IMPG2: variants seen among roughly 807,000 people sequenced by gnomAD.
IMPG2 encodes interphotoreceptor matrix proteoglycan 2.
A neutral mutation model predicts 129.2 loss-of-function variants in IMPG2; 91 were observed. The observed-to-expected ratio is 0.70, with a 90% confidence interval of 0.59 to 0.84. The LOEUF is 0.84. IMPG2 is among the 40% of genes least tolerant of loss of function. IMPG2 has a pLI of 0.00. For synonymous variants in IMPG2, 510 were observed against 517.7 expected (o/e 0.99, Z 0.20); for missense variants, 1,430 against 1,461.7 (o/e 0.98, Z 0.35).
chr3:101,292,629 TCA>T (rs1707031248), intron 3 of IMPG2, among the ~76,000 whole-genome samples: 1 of 152,204 alleles, frequency 6.6e-6, no homozygotes, highest in African/African-American at 2.4e-5. Flanking sequence ...TGTGGCAATT[TCA>T]TAAAAATAAG....
intron 7 of IMPG2, among the ~76,000 whole-genome samples, chr3:101,273,246 AACAAT>A (rs2107250656): frequency 6.6e-6 from 1 of 152,350 alleles, no homozygotes; most frequent in South Asian, 2.1e-4. Context: ...CCTTAAGAAA[AACAAT>A]ACAGTGTGTG....
At chr3:101,271,460 G>A (rs983961563) in intron 7 of IMPG2, among the ~76,000 whole-genome samples, 4 of 152,254 alleles carry the variant, frequency 2.6e-5, no homozygotes, top group East Asian at 3.9e-4. Flanking sequence ...ATTTATTGAG[G>A]ACTGCAATAT....
chr3:101,278,862 G>C (rs1291318007), intron 4 of IMPG2, among the ~76,000 whole-genome samples: 1 of 152,148 alleles, frequency 6.6e-6, no homozygotes, highest in African/African-American at 2.4e-5. Context: ...AGAACCTAAA[G>C]GGATATGACA....
chr3:101,296,282 G>A (rs1290672009), intron 3 of IMPG2, among the ~76,000 whole-genome samples: 2 of 152,184 alleles, frequency 1.3e-5, no homozygotes, highest in Non-Finnish European at 2.9e-5. Flanking sequence ...AAGGGCCGTT[G>A]AATTTTGTCG....
In IMPG2 at chr3:101,253,216, A is replaced by G. The variant is rs1193682509; in HGVS notation, c.1239+480T>C. ...GGAGGCCTGATTTAGAATCCCTGTCATCTGTCAGCTAGTGGATGATATTCT... is the reference window on the plus strand; with the variant it reads ...GGAGGCCTGATTTAGAATCCCTGTCGTCTGTCAGCTAGTGGATGATATTCT... On this transcript the variant is annotated intron_variant, in intron 11 of 18. Coordinates refer to ENST00000193391, the MANE Select transcript of IMPG2 (RefSeq NM_016247.4). 3.3e-5 allele frequency among the ~76,000 whole-genome samples: 5 copies of G among 152,258 alleles called. No homozygotes were observed. In the Middle Eastern group the frequency reaches 0.01, roughly 311 times the overall value.
chr3:101,229,333 C>A, intron 17 of IMPG2, 47 bp downstream of exon 17: 1 of 1,348,914 alleles, frequency 7.4e-7, no homozygotes, highest in Non-Finnish European at 1.1e-6. Context: ...CCCCCACACA[C>A]ACACCAGCAG....
chr3:101,248,054 G>A (rs1303553301), intron 11 of IMPG2, among the ~76,000 whole-genome samples: 1 of 152,132 alleles, frequency 6.6e-6, no homozygotes, highest in Non-Finnish European at 1.5e-5. Flanking sequence ...TGGCTAACTA[G>A]AGTTTAGTCT....
intron 13 of IMPG2, among the ~76,000 whole-genome samples, chr3:101,243,296 T>A (rs1706430433): frequency 6.6e-6 from 1 of 152,192 alleles, no homozygotes; most frequent in Non-Finnish European, 1.5e-5. Flanking sequence ...TGGAAAACAA[T>A]CTTCCTTGTA....
chr3:101,289,407 G>GTACATAA (rs1445744278), intron 4 of IMPG2, among the ~76,000 whole-genome samples: 1 of 151,926 alleles, frequency 6.6e-6, no homozygotes, highest in African/African-American at 2.4e-5. Context: ...GATAGTAAAA[G>GTACATAA]TACATAATTC....
At chr3:101,276,040 AG>A (rs1305476617) in intron 5 of IMPG2, among the ~76,000 whole-genome samples, 4 of 152,182 alleles carry the variant, frequency 2.6e-5, no homozygotes, top group Non-Finnish European at 4.4e-5. Flanking sequence ...TATCTAGTAA[AG>A]GGGACACATA....
chr3:101,275,061 A>AT (rs1706826523), intron 6 of IMPG2, among the ~76,000 whole-genome samples: 1 of 149,412 alleles, frequency 6.7e-6, no homozygotes, highest in Admixed American at 6.6e-5. Context: ...TTAGCTCTAT[A>AT]TTAAAAAAAA....
intron 17 of IMPG2, 72 bp downstream of exon 17, chr3:101,229,308 C>CCCCCCCCCCCCTCCT: frequency 1.2e-6 from 1 of 840,604 alleles, no homozygotes; most frequent in Non-Finnish European, 2.0e-6. Context: ...ACACCCCCAC[C>CCCCCCCCCCCCTCCT]CACCACCCCC....
At chr3:101,259,996 T>G (rs150623618) in intron 9 of IMPG2, among the ~76,000 whole-genome samples, 48 of 152,262 alleles carry the variant, frequency 3.2e-4, no homozygotes, top group African/African-American at 1.1e-3. Context: ...ACAGGCATCC[T>G]AGAGAATTCA....
At chr3:101,254,084 T>C (rs1384048181) in intron 10 of IMPG2, among the ~76,000 whole-genome samples, 1 of 152,238 alleles carries the variant, frequency 6.6e-6, no homozygotes, top group South Asian at 2.1e-4. Flanking sequence ...AAGATTCCTA[T>C]GAAGCGCTTA....
At chr3:101,241,833 G>A (rs141116525) in intron 14 of IMPG2, among the ~76,000 whole-genome samples, 3,681 of 152,082 alleles carry the variant, frequency 0.024, 52 homozygotes, top group Non-Finnish European at 0.036. Flanking sequence ...TTCAAGACCA[G>A]CCTAGCCAAC....
intron 14 of IMPG2, among the ~76,000 whole-genome samples, chr3:101,238,860 T>C (rs1051172985): frequency 6.6e-6 from 1 of 152,174 alleles, no homozygotes; most frequent in Non-Finnish European, 1.5e-5. Context: ...ATCAAATTCA[T>C]GCATAACAAT....
intron 11 of IMPG2, among the ~76,000 whole-genome samples, chr3:101,250,133 G>C (rs1228030239): frequency 6.6e-6 from 1 of 152,164 alleles, no homozygotes; most frequent in Non-Finnish European, 1.5e-5. Context: ...ACTCTATTCA[G>C]TAGAGGTGGC....
At chr3:101,315,930 A>T (rs1366506674) in intron 2 of IMPG2, among the ~76,000 whole-genome samples, 1 of 151,522 alleles carries the variant, frequency 6.6e-6, no homozygotes, top group African/African-American at 2.4e-5. Flanking sequence ...TTGGCATAAA[A>T]ATAGACAAAT....
At chr3:101,228,608 C>T (rs1367248074) in intron 18 of IMPG2, among the ~76,000 whole-genome samples, 189 bp downstream of exon 18, 2 of 152,268 alleles carry the variant, frequency 1.3e-5, no homozygotes, top group South Asian at 2.1e-4. Flanking sequence ...ATTTACAAAG[C>T]CCTTATAAGG....
Sources: gnomAD v4.1 joint callset for allele counts (sites outside exome capture counted in the v4.1 genomes callset) on GRCh38, gnomAD v4.1.1 for gene constraint, MANE v1.5 for transcripts, NCBI Gene and HGNC (gene_info 2026-07-23, HGNC 2026-07-21) for gene names.